COL23A1: variants seen among roughly 807,000 people sequenced by gnomAD.
COL23A1 encodes the protein collagen type XXIII alpha 1 chain.
A neutral mutation model predicts 99.3 loss-of-function variants in COL23A1; 97 were observed. That is an observed-to-expected ratio of 0.98 (90% CI 0.83 to 1.16). The LOEUF is 1.16. Among genes scored for constraint, COL23A1 ranks in the 50% most tolerant of loss-of-function variants. COL23A1 has a pLI of 0.00. For synonymous variants in COL23A1, 320 were observed against 308.2 expected, an observed-to-expected ratio of 1.04 and a Z score of -0.40; for missense variants, 762 against 757.4, an observed-to-expected ratio of 1.01 and a Z score of -0.07.
chr5:178,584,493 C>T (rs987148853), intron 1 of COL23A1, among the ~76,000 whole-genome samples: 5 of 152,172 alleles, frequency 3.3e-5, no homozygotes, highest in South Asian at 2.1e-4. Context: ...TGAACCACCA[C>T]GCCCCAGCCT....
chr5:178,465,616 C>A (rs1302737774), intron 2 of COL23A1, among the ~76,000 whole-genome samples: 1 of 152,222 alleles, frequency 6.6e-6, no homozygotes, highest in Non-Finnish European at 1.5e-5. Flanking sequence ...CCCACTCTGG[C>A]CTCAGCGTGC....
intron 1 of COL23A1, among the ~76,000 whole-genome samples, chr5:178,580,338 AAAAG>A (rs1306273992): frequency 2.8e-4 from 42 of 152,056 alleles, no homozygotes; most frequent in Middle Eastern, 6.8e-3. Context: ...AAAAAAAAAA[AAAAG>A]AAAGAAAGAA....
At chr5:178,507,110 A>C (rs1279481976) in intron 2 of COL23A1, among the ~76,000 whole-genome samples, 1 of 152,250 alleles carries the variant, frequency 6.6e-6, no homozygotes, top group Non-Finnish European at 1.5e-5. Flanking sequence ...AAATAAAAGC[A>C]AATATGTAGA....
intron 2 of COL23A1, among the ~76,000 whole-genome samples, chr5:178,436,890 G>T (rs1283631368): frequency 1.3e-5 from 2 of 152,196 alleles, no homozygotes; most frequent in African/African-American, 4.8e-5. Flanking sequence ...AGTTAAAGCT[G>T]CACAGTGGTA....
At chr5:178,438,438 T>G (rs1160953434) in intron 2 of COL23A1, among the ~76,000 whole-genome samples, 1 of 152,236 alleles carries the variant, frequency 6.6e-6, no homozygotes, top group African/African-American at 2.4e-5. Context: ...TCTGGGGTCC[T>G]GGTGAAATAA....
chr5:178,404,013 C>T (rs1045566004), intron 2 of COL23A1, among the ~76,000 whole-genome samples: 13 of 152,310 alleles, frequency 8.5e-5, no homozygotes, highest in South Asian at 4.1e-4. Flanking sequence ...GTGAGATTCC[C>T]GGGAACAGAG....
At chr5:178,411,458 T>C (rs1485290790) in intron 2 of COL23A1, among the ~76,000 whole-genome samples, 1 of 152,142 alleles carries the variant, frequency 6.6e-6, no homozygotes, top group African/African-American at 2.4e-5. Context: ...TTATTATTTA[T>C]CCATAAAAGG....
At position 178,237,657 on chromosome 5, in the gene COL23A1, C is replaced by G. The variant is rs1007472230; in HGVS notation, c.*1041G>C. On this transcript the variant is annotated 3_prime_UTR_variant, in exon 29 of 29. Coordinates refer to ENST00000390654, the MANE Select transcript of COL23A1 (RefSeq NM_173465.4). ...GTTTATTACACACAGTGATCTCCAT[C>G]TACACGGAAATGGAAGGCAAGCAGC... 6.5e-5 allele frequency: 10 copies of G among 152,708 alleles called. No homozygotes were observed. Among genetic ancestry groups the G allele is most frequent in the African/African-American group, 2.2e-4 (9 of 41,470 alleles). The allele number at this position is 152,708 out of a possible 1,614,324, so 9.5% of individuals were successfully genotyped here. A position where few individuals can be genotyped will look rare whatever the true frequency, so the allele number is the denominator to read the frequency against.
intron 2 of COL23A1, among the ~76,000 whole-genome samples, chr5:178,315,255 G>A (rs1365982868): frequency 6.6e-6 from 1 of 152,108 alleles, no homozygotes; most frequent in Non-Finnish European, 1.5e-5. Flanking sequence ...GTGTTCTCTG[G>A]AGCTCCAAGA....
At chr5:178,489,025 C>T (rs1022438885) in intron 2 of COL23A1, among the ~76,000 whole-genome samples, 8 of 152,138 alleles carry the variant, frequency 5.3e-5, no homozygotes, top group Non-Finnish European at 7.4e-5. Flanking sequence ...CAGGATCTGC[C>T]CCTCATCCTT....
chr5:178,249,312 T>A, intron 18 of COL23A1, 106 bp from the exon 19 acceptor site: 1 of 1,101,812 alleles, frequency 9.1e-7, no homozygotes, highest in South Asian at 1.3e-5. Context: ...CACTTTCTCT[T>A]TGTGGGTCCC....
chr5:178,513,989 C>CGGTG (rs1284115994), intron 2 of COL23A1, among the ~76,000 whole-genome samples: 9 of 152,140 alleles, frequency 5.9e-5, no homozygotes, highest in Admixed American at 5.9e-4. Context: ...CCATCACCAC[C>CGGTG]ATCCATCCAT....
At chr5:178,546,431 A>G (rs975798096) in intron 2 of COL23A1, among the ~76,000 whole-genome samples, 3 of 152,156 alleles carry the variant, frequency 2.0e-5, no homozygotes, top group Admixed American at 6.5e-5. Context: ...TTCACCAGCC[A>G]TCTCAGCTCT....
At chr5:178,542,047 G>A (rs1290321444) in intron 2 of COL23A1, among the ~76,000 whole-genome samples, 1 of 152,124 alleles carries the variant, frequency 6.6e-6, no homozygotes, top group Admixed American at 6.5e-5. Flanking sequence ...TTTTGAGATG[G>A]AGTTTCACTC....
At chr5:178,290,456 C>T in intron 3 of COL23A1, 87 bp from the exon 4 acceptor site, 2 of 1,560,778 alleles carry the variant, frequency 1.3e-6, no homozygotes, top group Non-Finnish European at 1.8e-6. Context: ...CACCTGTCCT[C>T]AGCACGGCTC....
intron 2 of COL23A1, among the ~76,000 whole-genome samples, chr5:178,432,536 TCAGGGTCTGTCA>T (rs943961132): frequency 2.6e-5 from 4 of 152,030 alleles, no homozygotes; most frequent in African/African-American, 9.7e-5. Flanking sequence ...GCTACAGGGC[TCAGGGTCTGTCA>T]CATGGAGCAG....
intron 2 of COL23A1, among the ~76,000 whole-genome samples, chr5:178,548,937 AG>A (rs1201855268): frequency 6.6e-6 from 1 of 152,220 alleles, no homozygotes. Flanking sequence ...GGCATGCTGC[AG>A]TGCTCCATTG....
At chr5:178,584,229 C>T (rs963252157) in intron 1 of COL23A1, among the ~76,000 whole-genome samples, 1 of 151,734 alleles carries the variant, frequency 6.6e-6, no homozygotes, top group South Asian at 2.1e-4. Context: ...AGGCTGGTCT[C>T]GAACTCCTGA....
chr5:178,482,835 G>A (rs1262731798), intron 2 of COL23A1, among the ~76,000 whole-genome samples: 1 of 152,178 alleles, frequency 6.6e-6, no homozygotes, highest in Non-Finnish European at 1.5e-5. Flanking sequence ...CTGGGAGGCA[G>A]AGCTTGCAGT....
Sources: allele counts gnomAD v4.1 joint callset (sites outside exome capture counted in the v4.1 genomes callset), GRCh38; gene constraint gnomAD v4.1.1; transcripts MANE v1.5; gene names NCBI Gene and HGNC (gene_info 2026-07-23, HGNC 2026-07-21).